Variants in NAV2 observed in about 807,000 individuals in gnomAD.
NAV2 encodes the protein neuron navigator 2, also known as helicase, APC down-regulated 1.
NAV2 carries 54 observed loss-of-function variants against 223.2 expected under a neutral mutation model. That is an observed-to-expected ratio of 0.24 (90% CI 0.19 to 0.30). The LOEUF (loss-of-function observed/expected upper bound fraction) is 0.30. Among genes scored for constraint, NAV2 ranks in the 10% least tolerant of loss-of-function variants. The pLI is 1.00. For missense variants in NAV2, 2,806 were observed against 3,147.5 expected (o/e 0.89, Z 2.60); for synonymous variants, 1,279 against 1,239.3 (o/e 1.03, Z -0.67).
At chr11:19,871,335 G>T (rs1187664954) in intron 4 of NAV2, among the ~76,000 whole-genome samples, 1 of 152,122 alleles carries the variant, frequency 6.6e-6, no homozygotes, top group South Asian at 2.1e-4. Context: ...ATTCCTTCCA[G>T]TGTAAATGGC....
intron 1 of NAV2, among the ~76,000 whole-genome samples, chr11:19,458,991 G>T (rs1852057042): frequency 6.6e-6 from 1 of 152,276 alleles, no homozygotes; most frequent in Admixed American, 6.5e-5. Flanking sequence ...AGGTGGTGAT[G>T]TGGTGCTTGG....
intron 1 of NAV2, among the ~76,000 whole-genome samples, chr11:19,775,400 G>T (rs778069159): frequency 6.6e-6 from 1 of 152,156 alleles, no homozygotes; most frequent in Non-Finnish European, 1.5e-5. Flanking sequence ...GGGATCTGCT[G>T]CCTGGGTCTG....
At chr11:20,013,334 C>G (rs942238854) in intron 11 of NAV2, among the ~76,000 whole-genome samples, 19 of 152,308 alleles carry the variant, frequency 1.2e-4, no homozygotes, top group Admixed American at 4.6e-4. Flanking sequence ...TATTTAACTT[C>G]TCTTCTTCCA....
At chr11:19,422,183 C>T (rs1011310741) in intron 1 of NAV2, among the ~76,000 whole-genome samples, 1 of 152,214 alleles carries the variant, frequency 6.6e-6, no homozygotes, top group Non-Finnish European at 1.5e-5. Flanking sequence ...GGAGCCATCC[C>T]TCATGCTGCT....
intron 1 of NAV2, among the ~76,000 whole-genome samples, chr11:19,667,542 T>C (rs2048449860): frequency 6.6e-6 from 1 of 152,144 alleles, no homozygotes. Flanking sequence ...TGGACTGAGG[T>C]GTGCTGGAGG....
chr11:19,948,657 C>T (rs1408086911), intron 9 of NAV2, 34 bp from the exon 10 acceptor site: 2 of 1,522,974 alleles, frequency 1.3e-6, no homozygotes, highest in East Asian at 4.6e-5. Context: ...ATACTAGGTA[C>T]CTTTGAGTCT....
intron 1 of NAV2, among the ~76,000 whole-genome samples, chr11:19,356,166 G>A (rs983848255): frequency 2.6e-5 from 4 of 152,170 alleles, no homozygotes; most frequent in African/African-American, 9.7e-5. Flanking sequence ...TGGACAGTGA[G>A]GACCTACCAC....
At chr11:19,609,344 AAG>A (rs1340284281) in intron 1 of NAV2, among the ~76,000 whole-genome samples, 3 of 152,338 alleles carry the variant, frequency 2.0e-5, no homozygotes, top group African/African-American at 7.2e-5. Flanking sequence ...CAAATTGAGA[AAG>A]AGAGGAAAGA....
At chr11:19,691,150 A>G (rs1378903598) in intron 1 of NAV2, among the ~76,000 whole-genome samples, 1 of 152,196 alleles carries the variant, frequency 6.6e-6, no homozygotes, top group African/African-American at 2.4e-5. Flanking sequence ...CTGCTGTTCC[A>G]GGGATCACAC....
intron 1 of NAV2, among the ~76,000 whole-genome samples, chr11:19,460,400 C>T (rs1010740062): frequency 2.6e-5 from 4 of 152,164 alleles, no homozygotes; most frequent in Non-Finnish European, 5.9e-5. Flanking sequence ...TATAATCCCA[C>T]TTTACCTAAC....
chr11:19,584,922 C>T (rs538014976), intron 1 of NAV2, among the ~76,000 whole-genome samples: 37 of 152,280 alleles, frequency 2.4e-4, no homozygotes, highest in South Asian at 1.9e-3. Flanking sequence ...GAGTTCAATT[C>T]CTGGATATCC....
At chr11:20,016,838 C>CA (rs34115097) in intron 11 of NAV2, among the ~76,000 whole-genome samples, 10,828 of 145,094 alleles carry the variant, frequency 0.075, 437 homozygotes, top group Admixed American at 0.08. Context: ...TACTAAAATA[C>CA]AAAAAAAAAA....
At chr11:19,357,922 T>C (rs551640371) in intron 1 of NAV2, among the ~76,000 whole-genome samples, 1 of 152,348 alleles carries the variant, frequency 6.6e-6, no homozygotes, top group East Asian at 1.9e-4. Context: ...AAATTTTTTA[T>C]TGAATTTCAT....
At chr11:19,372,735 A>G (rs944595513) in intron 1 of NAV2, among the ~76,000 whole-genome samples, 2 of 152,196 alleles carry the variant, frequency 1.3e-5, no homozygotes, top group Admixed American at 1.3e-4. Context: ...AGATATTAGT[A>G]ATAAGTAAAG....
rs2060195335 is a variant in NAV2 at position 20,083,171 on chromosome 11, C to T, written c.5490C>T (p.Ser1830=). 2 of 1,612,444 alleles carry T rather than the reference C, an allele frequency of 1.2e-6. No individual in the cohort carries two copies. The highest frequency in any genetic ancestry group is 1.7e-6 in the Non-Finnish European group (2 of 1,179,196). ...CCCCACTGCTGAGGAATTCTCACTC[C>T]AACTCTCTGTAAGTCTGTCTGTCTA... is the stretch of plus-strand genomic sequence containing the variant. ...GSTPLLRNSH[S]NSLISECMDS... The change falls in exon 26 of 38, where the codon TCC becomes TCT. Residue 1830 remains serine (S), a synonymous_variant. Coordinates refer to ENST00000349880, the MANE Select transcript of NAV2 (RefSeq NM_145117.5).
At chr11:19,538,700 T>C (rs1234503010) in intron 1 of NAV2, among the ~76,000 whole-genome samples, 1 of 152,026 alleles carries the variant, frequency 6.6e-6, no homozygotes, top group Non-Finnish European at 1.5e-5. Flanking sequence ...TTTAGTGTCA[T>C]AGTCTATGTG....
chr11:19,352,209 G>A (rs574362487), intron 1 of NAV2, among the ~76,000 whole-genome samples: 84 of 152,316 alleles, frequency 5.5e-4, no homozygotes, highest in African/African-American at 1.8e-3. Flanking sequence ...TTTATTAAGT[G>A]TATAACCTAC....
intron 1 of NAV2, among the ~76,000 whole-genome samples, chr11:19,706,255 C>T (rs2049659353): frequency 1.3e-5 from 2 of 152,088 alleles, no homozygotes; most frequent in South Asian, 4.1e-4. Flanking sequence ...TCCTCTAATC[C>T]TTTGTGGGAT....
intron 6 of NAV2, among the ~76,000 whole-genome samples, chr11:19,893,858 T>C (rs1231587964): frequency 6.6e-6 from 1 of 152,204 alleles, no homozygotes. Context: ...TTCCTTTTCT[T>C]CACCGTACCA....
Sources: allele counts gnomAD v4.1 joint callset (sites outside exome capture counted in the v4.1 genomes callset), GRCh38; gene constraint gnomAD v4.1.1; transcripts MANE v1.5; gene names NCBI Gene and HGNC (gene_info 2026-07-23, HGNC 2026-07-21).